Variants in RPS27A observed in about 807,000 individuals in gnomAD.
RPS27A encodes the protein ribosomal protein S27a, also known as ubiquitin-ribosomal protein eS31 fusion protein.
A neutral mutation model predicts 18.9 loss-of-function variants in RPS27A; 1 was observed. That is an observed-to-expected ratio of 0.05 (90% CI 0.02 to 0.25). RPS27A has a LOEUF of 0.25. Among genes scored for constraint, RPS27A ranks in the 10% least tolerant of loss-of-function variants. The pLI, the probability that RPS27A is intolerant of heterozygous loss-of-function variation, is 1.00. For synonymous variants in RPS27A, 77 were observed against 63.7 expected, an observed-to-expected ratio of 1.21 and a Z score of -0.99; for missense variants, 123 against 187.4, an observed-to-expected ratio of 0.66 and a Z score of 2.01.
intron 1 of RPS27A, 35 bp from the exon 2 acceptor site, chr2:55,232,773 G>C: frequency 1.9e-6 from 3 of 1,547,864 alleles, no homozygotes; most frequent in South Asian, 2.3e-5. Context: ...TGTGATCCCT[G>C]ACCTAACCTG....
Position 55,232,814 on chromosome 2 carries a change from C to T in RPS27A, c.-11C>T, listed in dbSNP as rs1675541351. On this transcript the variant is annotated 5_prime_UTR_variant, in exon 2 of 6. Coordinates refer to ENST00000272317, the MANE Select transcript of RPS27A (RefSeq NM_002954.6). ...TCCTTTTCCTCAACCTCAGGTGGAG[C>T]CGCCACCAAAATGCAGATTTTCGTG... 2.5e-6 allele frequency: 4 copies of T among 1,611,066 alleles called. No individual in the cohort carries two copies. Among genetic ancestry groups the T allele is most frequent in the Middle Eastern group, 1.7e-4 (1 of 5,932 alleles).
At chr2:55,233,605 A>G (rs562445028) in intron 3 of RPS27A, 188 bp downstream of exon 3, 37 of 622,762 alleles carry the variant, frequency 5.9e-5, no homozygotes, top group Non-Finnish European at 9.8e-5. Flanking sequence ...CTTGAGGTGT[A>G]TTTCACTTGC....
At position 55,235,584 on chromosome 2, in the gene RPS27A, G is replaced by A; in HGVS notation, c.*7G>A. ...CAAACCAGAAGACAAGTAACTGTAT[G>A]AGTTAATAAAAGACATGAACTAACA... On this transcript the variant is annotated 3_prime_UTR_variant, in exon 6 of 6. Transcript: ENST00000272317. 6.2e-7 allele frequency: 1 copy of A among 1,600,296 alleles called. No homozygotes were observed. Among genetic ancestry groups the A allele is most frequent in the Non-Finnish European group, 8.5e-7 (1 of 1,179,866 alleles).
rs6545480 is a variant in RPS27A, at chr2:55,233,615, C to T, written c.103+198C>T. The T allele has an allele frequency of 0.74, 444,513 of 601,414 alleles. 165,310 individuals carry two copies. The highest frequency in any genetic ancestry group is 0.76 in the African/African-American group (40,940 of 53,920). 37.3% of individuals were successfully genotyped at this position (601,414 alleles called of 1,614,324 possible). A position where few individuals can be genotyped will look rare whatever the true frequency, so the allele number is the denominator to read the frequency against. ...GAATCCTTGAGGTGTATTTCACTTG[C>T]GTGAATTTGGACACTTATTTATTTA... is the stretch of plus-strand genomic sequence containing the variant. On this transcript the variant is annotated intron_variant, in intron 3 of 5. Transcript: ENST00000272317.
chr2:55,235,045 C>T, intron 5 of RPS27A, 83 bp downstream of exon 5: 1 of 1,480,658 alleles, frequency 6.8e-7, no homozygotes, highest in Non-Finnish European at 9.3e-7. Context: ...TCAATATTTT[C>T]TTGGACTTAA....
intron 1 of RPS27A, 33 bp from the exon 2 acceptor site, chr2:55,232,775 C>T (rs772109083): frequency 5.1e-6 from 8 of 1,556,742 alleles, no homozygotes; most frequent in Admixed American, 1.8e-5. Context: ...TGATCCCTGA[C>T]CTAACCTGTC....
Position 55,235,642 on chromosome 2 carries a change from T to C in RPS27A, c.*65T>C. 6.4e-7 allele frequency: 1 copy of C among 1,572,710 alleles called. No individual in the cohort carries two copies. Among genetic ancestry groups the C allele is most frequent in the Non-Finnish European group, 8.6e-7 (1 of 1,157,244 alleles). ...TTGGGTTTTATTGCAGTAAAAAGAA[T>C]GGTTTTTAAGCACCAAATTGATGGT... On this transcript the variant is annotated 3_prime_UTR_variant, in exon 6 of 6. Coordinates refer to ENST00000272317, the MANE Select transcript of RPS27A (RefSeq NM_002954.6).
intron 4 of RPS27A, 97 bp downstream of exon 4, chr2:55,234,301 C>T: frequency 2.3e-6 from 2 of 882,694 alleles, no homozygotes; most frequent in Non-Finnish European, 3.7e-6. Context: ...ACTCTGTCAC[C>T]TAGGGTGGAG....
chr2:55,234,490 C>T, intron 4 of RPS27A: 1 of 553,734 alleles, frequency 1.8e-6, no homozygotes, highest in Non-Finnish European at 3.2e-6. Context: ...GTGAGCCACT[C>T]CATGTGGTGT....
chr2:55,235,140 A>G (rs987685900), intron 5 of RPS27A, 178 bp downstream of exon 5: 12 of 794,098 alleles, frequency 1.5e-5, no homozygotes, highest in African/African-American at 7.0e-5. Flanking sequence ...CCTGTTTGGT[A>G]TTTGAAATCA....
chr2:55,233,661 C>T (rs919127758), intron 3 of RPS27A: 22 of 533,366 alleles, frequency 4.1e-5, no homozygotes, highest in Non-Finnish European at 5.8e-5. Flanking sequence ...GATGGAGTCT[C>T]CTCTGTCGCC....
intron 2 of RPS27A, 79 bp from the exon 3 acceptor site, chr2:55,233,284 G>T: frequency 8.2e-7 from 1 of 1,215,530 alleles, no homozygotes; most frequent in Non-Finnish European, 1.2e-6. Flanking sequence ...GTTCGGTTCA[G>T]TGGTAATTGT....
At chr2:55,233,473 G>C in intron 3 of RPS27A, 56 bp downstream of exon 3, 4 of 1,211,234 alleles carry the variant, frequency 3.3e-6, no homozygotes, top group Non-Finnish European at 4.8e-6. Context: ...CGGCCTACCT[G>C]TAGGTGCTAG....
chr2:55,235,097 G>T, intron 5 of RPS27A, 135 bp downstream of exon 5: 1 of 974,502 alleles, frequency 1.0e-6, no homozygotes, highest in East Asian at 2.6e-5. Context: ...GAGGTATTCT[G>T]GAAATGAGAA....
upstream of RPS27A, chr2:55,232,424 T>C: frequency 3.5e-6 from 1 of 287,644 alleles, no homozygotes. Flanking sequence ...CTTTTAAAAA[T>C]TCTCTTAGCC....
At chr2:55,233,934 A>G (rs1294139500) in intron 3 of RPS27A, 185 bp from the exon 4 acceptor site, 1 of 655,136 alleles carries the variant, frequency 1.5e-6, no homozygotes. Flanking sequence ...ACAACCAAGT[A>G]TTGTCCCTAA....
chr2:55,235,827 T>C lies in RPS27A; in HGVS notation c.*250T>C, dbSNP rs187238769. On this transcript the variant is annotated 3_prime_UTR_variant, in exon 6 of 6. Transcript: ENST00000272317. ...ACTACCTATACTTTGGCAGAAGTTA[T>C]ATTTAATGTAAGTTGTCTAAATATA... 2.0e-4 allele frequency: 109 copies of C among 537,142 alleles called. No individual in the cohort carries two copies. The Admixed American group carries it at 2.8e-3, about 14-fold the overall frequency. 33.3% of individuals were successfully genotyped at this position (537,142 alleles called of 1,614,324 possible).
At chr2:55,234,694 T>G in intron 4 of RPS27A, 137 bp from the exon 5 acceptor site, 1 of 939,320 alleles carries the variant, frequency 1.1e-6, no homozygotes, top group Non-Finnish European at 1.7e-6. Flanking sequence ...ATCTGATACT[T>G]TATTGGGTTT....
chr2:55,234,884 G>A lies in RPS27A; in HGVS notation c.243G>A (p.Lys81=). The part of the protein sequence containing the change: ...LRLRGGAKKR[K]KKSYTTPKKN... ...TTCGTGGTGGTGCTAAGAAAAGGAA[G>A]AAGAAGTCTTACACCACTCCCAAGA... Residue 81 remains lysine, a synonymous_variant, in exon 5 of 6, where the codon AAG becomes AAA. Coordinates refer to ENST00000272317, the MANE Select transcript of RPS27A (RefSeq NM_002954.6). The A allele has an allele frequency of 6.2e-7, 1 of 1,612,930 alleles. No individual in the cohort carries two copies. Among genetic ancestry groups the A allele is most frequent in the Non-Finnish European group, 8.5e-7 (1 of 1,179,856 alleles).
Sources: allele counts gnomAD v4.1 joint callset, GRCh38; gene constraint gnomAD v4.1.1; transcripts MANE v1.5; gene names NCBI Gene and HGNC (gene_info 2026-07-23, HGNC 2026-07-21).